ATP10B: variants seen among roughly 807,000 people sequenced by gnomAD.
ATP10B encodes ATPase phospholipid transporting 10B (putative).
ATP10B carries 122 observed loss-of-function variants against 141.2 expected under a neutral mutation model. The observed-to-expected ratio is 0.86, with a 90% CI of 0.75 to 1.00. The LOEUF is 1.00. Ranked by LOEUF, ATP10B falls within the 50% of genes least tolerant of loss-of-function variation. ATP10B has a pLI of 0.00. For synonymous variants in ATP10B, 685 were observed against 692.0 expected (o/e 0.99, Z 0.16); for missense variants, 1,876 against 1,825.3 (o/e 1.03, Z -0.51).
Position 160,727,386 on chromosome 5 carries a change from G to A in ATP10B, c.-330-10352C>T, listed in dbSNP as rs148669242. 1.3e-3 allele frequency among the ~76,000 whole-genome samples: 200 copies of A among 152,262 alleles called. 1 individual carries two copies. Among genetic ancestry groups the A allele is most frequent in the African/African-American group, 4.7e-3 (194 of 41,546 alleles). ...AGGCCTGCCTGATTCCAAAGCACAC[G>A]CATTTCCCGGTATGCTTTGTGAAAA... On this transcript the variant is annotated intron_variant, in intron 2 of 25. Coordinates refer to ENST00000327245, the MANE Select transcript of ATP10B (RefSeq NM_025153.3).
At chr5:160,829,231 G>A (rs1774881349) in intron 1 of ATP10B, among the ~76,000 whole-genome samples, 1 of 151,798 alleles carries the variant, frequency 6.6e-6, no homozygotes, top group South Asian at 2.1e-4. Context: ...GCAATTCGTT[G>A]TTTTTGTCAG....
intron 14 of ATP10B, among the ~76,000 whole-genome samples, chr5:160,621,879 C>T (rs975514770): frequency 2.0e-5 from 3 of 152,006 alleles, no homozygotes; most frequent in African/African-American, 4.8e-5. Flanking sequence ...ATTTTTAACC[C>T]GTATATAAAA....
intron 24 of ATP10B, among the ~76,000 whole-genome samples, chr5:160,570,685 A>C (rs1754822728): frequency 6.6e-6 from 1 of 152,224 alleles, no homozygotes; most frequent in African/African-American, 2.4e-5. Context: ...GTATTCACTA[A>C]GATCTACTCA....
intron 7 of ATP10B, among the ~76,000 whole-genome samples, chr5:160,651,524 T>C (rs1385907628): frequency 6.6e-6 from 1 of 152,008 alleles, no homozygotes; most frequent in African/African-American, 2.4e-5. Context: ...ATCTATGTGT[T>C]AAAGTGTTGA....
the ATP10B span, among the ~76,000 whole-genome samples, chr5:160,859,739 G>A: frequency 1.3e-5 from 2 of 151,834 alleles, no homozygotes; most frequent in East Asian, 3.9e-4. Context: ...ACTGGTGACT[G>A]GTGACTAGAT....
chr5:160,624,559 G>A (rs1055720288), intron 13 of ATP10B, among the ~76,000 whole-genome samples: 6 of 152,182 alleles, frequency 3.9e-5, no homozygotes, highest in Admixed American at 2.0e-4. Flanking sequence ...TCCATACCAT[G>A]TGGTGTCATT....
chr5:160,865,349 G>A, the ATP10B span, among the ~76,000 whole-genome samples: 1 of 152,208 alleles, frequency 6.6e-6, no homozygotes, highest in South Asian at 2.1e-4. Context: ...AATAAATGGT[G>A]CTGGGACAAC....
chr5:160,630,486 G>T (rs1031472147), intron 13 of ATP10B, among the ~76,000 whole-genome samples: 6 of 152,304 alleles, frequency 3.9e-5, no homozygotes, highest in Admixed American at 1.3e-4. Context: ...CTCATTTTCT[G>T]GGGGAGACAT....
chr5:160,716,518 T>C (rs1765669900), intron 3 of ATP10B, among the ~76,000 whole-genome samples: 1 of 152,180 alleles, frequency 6.6e-6, no homozygotes, highest in South Asian at 2.1e-4. Context: ...GCTTTAACAC[T>C]ATGCTTGCCT....
chr5:160,596,529 G>T (rs547747284), intron 22 of ATP10B, among the ~76,000 whole-genome samples: 2 of 138,574 alleles, frequency 1.4e-5, no homozygotes, highest in South Asian at 5.3e-4. Flanking sequence ...CATAGTGTTG[G>T]AAGTTCTGGC....
In ATP10B at chr5:160,598,394, G is replaced by A. The variant is rs538374154; in HGVS notation, c.3564+376C>T. 9.9e-5 allele frequency among the ~76,000 whole-genome samples: 15 copies of A among 151,970 alleles called. No homozygotes were observed. The South Asian group carries it at 2.7e-3, about 27-fold the overall frequency. On this transcript the variant is annotated intron_variant, in intron 22 of 25. Transcript: ENST00000327245. ...ACACTCTGGGGACTGTTGTGGGGTG[G>A]GGGGAGCAGGGAGGGATAGCATTAG... is the stretch of plus-strand genomic sequence containing the variant.
intron 2 of ATP10B, among the ~76,000 whole-genome samples, chr5:160,776,679 T>C (rs1561842298): frequency 6.6e-6 from 1 of 152,246 alleles, no homozygotes; most frequent in Non-Finnish European, 1.5e-5. Context: ...ATGTAGCCTC[T>C]GCTACTGCTT....
In ATP10B at chr5:160,565,132, T is replaced by C; in HGVS notation, c.*321A>G. On this transcript the variant is annotated 3_prime_UTR_variant, in exon 26 of 26. Transcript: ENST00000327245. ...CTTGGAAACTTACGGCACTGGGTTG[T>C]AGGCTACGCTTATCTAGAGGGTCAG... The C allele has an allele frequency of 3.2e-6, 1 of 313,762 alleles. No individual in the cohort carries two copies. The highest frequency in any genetic ancestry group is 5.9e-6 in the Non-Finnish European group (1 of 169,286). 19.4% of individuals were successfully genotyped at this position (313,762 alleles called of 1,614,324 possible).
intron 1 of ATP10B, among the ~76,000 whole-genome samples, chr5:160,822,551 A>G (rs1480226133): frequency 6.6e-6 from 1 of 152,174 alleles, no homozygotes; most frequent in Non-Finnish European, 1.5e-5. Flanking sequence ...TGGAAGAAAT[A>G]TCTACACTAC....
the ATP10B span, among the ~76,000 whole-genome samples, chr5:160,915,835 C>T: frequency 4.6e-5 from 7 of 152,300 alleles, no homozygotes; most frequent in Admixed American, 4.6e-4. Flanking sequence ...TCTCACACAC[C>T]TTTGCACACA....
In ATP10B at chr5:160,756,209, T is replaced by A. The variant is rs1333212742; in HGVS notation, c.-331+29350A>T. ...TTTTGAATCTTAATTATTTTGAGTT[T>A]GATTCATATTGTTGCATATGTAATT... On this transcript the variant is annotated intron_variant, in intron 2 of 25. Coordinates refer to ENST00000327245, the MANE Select transcript of ATP10B (RefSeq NM_025153.3). Among the ~76,000 whole-genome samples the A allele has an allele frequency of 2.0e-5, 3 of 152,212 alleles. No homozygotes were observed. The East Asian group carries it at 5.8e-4, about 29-fold the overall frequency.
intron 2 of ATP10B, among the ~76,000 whole-genome samples, chr5:160,742,797 C>T (rs1057291730): frequency 1.3e-5 from 2 of 152,182 alleles, no homozygotes; most frequent in East Asian, 3.9e-4. Context: ...GTTTCTGGTT[C>T]TGGATGAGTT....
the ATP10B span, among the ~76,000 whole-genome samples, chr5:160,878,318 C>T: frequency 7.2e-4 from 109 of 151,914 alleles, no homozygotes; most frequent in South Asian, 0.018. Context: ...GCTGGGAAAA[C>T]TGGCTAGCCA....
chr5:160,917,051 C>T, the ATP10B span, among the ~76,000 whole-genome samples: 4 of 152,048 alleles, frequency 2.6e-5, no homozygotes, highest in Non-Finnish European at 4.4e-5. Context: ...GAATTAAAGT[C>T]TCAGCATTTT....
Sources: allele counts gnomAD v4.1 joint callset (sites outside exome capture counted in the v4.1 genomes callset), GRCh38; gene constraint gnomAD v4.1.1; transcripts MANE v1.5; gene names NCBI Gene and HGNC (gene_info 2026-07-23, HGNC 2026-07-21).